Variants in MIPOL1 observed in about 807,000 individuals in gnomAD.
MIPOL1 encodes mirror-image polydactyly gene 1 protein.
In MIPOL1, 57 loss-of-function variants were observed where a neutral mutation model predicts 60.9. The ratio of observed to expected loss-of-function variants is 0.94; its 90% CI spans 0.76 to 1.17. The LOEUF is 1.17. Among genes scored for constraint, MIPOL1 ranks in the 50% most tolerant of loss-of-function variants. The pLI is 0.00. For missense variants in MIPOL1, 551 were observed against 511.6 expected (o/e 1.08, Z -0.74); for synonymous variants, 179 against 168.8 (o/e 1.06, Z -0.47).
At chr14:37,285,565 C>A in intron 7 of MIPOL1, 118 bp downstream of exon 7, 3 of 967,036 alleles carry the variant, frequency 3.1e-6, no homozygotes, top group Non-Finnish European at 3.0e-6. Flanking sequence ...TAGGAAATTG[C>A]ATGTCTCCAG....
At chr14:37,526,961 T>G (rs2095451675) in intron 12 of MIPOL1, among the ~76,000 whole-genome samples, 1 of 152,148 alleles carries the variant, frequency 6.6e-6, no homozygotes, top group Non-Finnish European at 1.5e-5. Flanking sequence ...CCTTCCAGTG[T>G]GAAAGGTAAA....
chr14:37,204,236 A>T (rs1308849943), intron 1 of MIPOL1, among the ~76,000 whole-genome samples: 1 of 152,142 alleles, frequency 6.6e-6, no homozygotes, highest in Non-Finnish European at 1.5e-5. Context: ...AGCAACACTC[A>T]ATTTCTGATT....
chr14:37,379,069 A>G (rs1208819390), intron 10 of MIPOL1, among the ~76,000 whole-genome samples: 2 of 152,058 alleles, frequency 1.3e-5, no homozygotes, highest in Non-Finnish European at 2.9e-5. Flanking sequence ...GCCTACTACA[A>G]AGCTACAGTA....
At chr14:37,319,057 T>A (rs530194352) in intron 9 of MIPOL1, among the ~76,000 whole-genome samples, 1 of 152,168 alleles carries the variant, frequency 6.6e-6, no homozygotes, top group South Asian at 2.1e-4. Flanking sequence ...CCCAGGCTGG[T>A]CTTGAACTCC....
chr14:37,515,917 A>G (rs2153627822), intron 12 of MIPOL1, among the ~76,000 whole-genome samples: 1 of 152,322 alleles, frequency 6.6e-6, no homozygotes, highest in African/African-American at 2.4e-5. Flanking sequence ...CCCAGTAGTC[A>G]TTCTTGAGGA....
At chr14:37,520,581 G>A (rs1433971543) in intron 12 of MIPOL1, among the ~76,000 whole-genome samples, 4 of 152,084 alleles carry the variant, frequency 2.6e-5, no homozygotes. Flanking sequence ...CAATGTTAAA[G>A]CAACATTTCT....
chr14:37,512,342 A>G (rs2095334879), intron 12 of MIPOL1, among the ~76,000 whole-genome samples: 1 of 152,132 alleles, frequency 6.6e-6, no homozygotes, highest in Non-Finnish European at 1.5e-5. Context: ...AGTGTCACAC[A>G]AGGGTTCTTA....
At chr14:37,234,353 T>G (rs1210483226) in intron 1 of MIPOL1, among the ~76,000 whole-genome samples, 1 of 144,282 alleles carries the variant, frequency 6.9e-6, no homozygotes, top group African/African-American at 2.9e-5. Context: ...TTTCTTTTCT[T>G]TTCTTTTCTT....
At chr14:37,483,122 T>A (rs1332025265) in intron 11 of MIPOL1, among the ~76,000 whole-genome samples, 1 of 151,370 alleles carries the variant, frequency 6.6e-6, no homozygotes. Context: ...ACCTTTTTTT[T>A]TTTTTTTTAA....
intron 11 of MIPOL1, among the ~76,000 whole-genome samples, chr14:37,447,927 A>ACC (rs1242024301): frequency 7.2e-5 from 11 of 152,132 alleles, no homozygotes; most frequent in African/African-American, 2.4e-4. Flanking sequence ...AGGTGAACTA[A>ACC]AGAGATCAAA....
chr14:37,392,230 C>A (rs2093264796), intron 10 of MIPOL1, among the ~76,000 whole-genome samples: 1 of 29,406 alleles, frequency 3.4e-5, no homozygotes, highest in Non-Finnish European at 7.4e-5. Flanking sequence ...TTATTTAGGT[C>A]TTCTTTGATT....
intron 7 of MIPOL1, among the ~76,000 whole-genome samples, chr14:37,290,508 G>C (rs1033580888): frequency 4.6e-5 from 7 of 152,116 alleles, no homozygotes; most frequent in African/African-American, 1.7e-4. Flanking sequence ...TTACAGACAT[G>C]AGCCACCGTG....
chr14:37,263,450 C>T (rs1035583945), intron 3 of MIPOL1, among the ~76,000 whole-genome samples: 2 of 152,090 alleles, frequency 1.3e-5, no homozygotes, highest in African/African-American at 4.8e-5. Flanking sequence ...TATCATTTTT[C>T]AGTTGATAGC....
rs376146548 is a variant in MIPOL1 at position 37,230,583 on chromosome 14, TGAA to T, written c.-198-16516_-198-16514del. 3.5e-3 allele frequency among the ~76,000 whole-genome samples: 530 copies of T among 152,330 alleles called. 3 individuals are homozygous for T. The highest frequency in any genetic ancestry group is 0.012 in the African/African-American group (513 of 41,578). On this transcript the variant is annotated intron_variant, in intron 1 of 12. Coordinates refer to ENST00000684589, the MANE Select transcript of MIPOL1 (RefSeq NM_001388067.1). The stretch of plus-strand genomic sequence containing the variant: ...CCTATGGGAAAATTTTATAAGATGT[TGAA>T]GAAATCCCAAGTATTCATAAATATT...
rs180819587 is a variant in MIPOL1 at position 37,357,728 on chromosome 14, A to T, written c.829-11789A>T. The stretch of plus-strand genomic sequence containing the variant: ...TGTAGGTTGTCTCTTCTCTTTATTG[A>T]TTGTTTCCTTTGCTGTGCAGAAGAT... On this transcript the variant is annotated intron_variant, in intron 9 of 12. Coordinates refer to ENST00000684589, the MANE Select transcript of MIPOL1 (RefSeq NM_001388067.1). 1.9e-3 allele frequency among the ~76,000 whole-genome samples: 291 copies of T among 150,178 alleles called. 2 individuals carry two copies. Among genetic ancestry groups the T allele is most frequent in the African/African-American group, 6.7e-3 (274 of 40,918 alleles).
intron 11 of MIPOL1, among the ~76,000 whole-genome samples, chr14:37,426,570 C>CATACATATATATATATAT (rs1555339853): frequency 2.3e-5 from 2 of 85,530 alleles, no homozygotes; most frequent in Non-Finnish European, 4.5e-5. Context: ...TCAAAATATA[C>CATACATATATATATATAT]ATATATATAT....
At chr14:37,386,732 C>T (rs2093078774) in intron 10 of MIPOL1, among the ~76,000 whole-genome samples, 1 of 151,890 alleles carries the variant, frequency 6.6e-6, no homozygotes, top group Non-Finnish European at 1.5e-5. Context: ...ACAGATAAAT[C>T]ACTGAGTCAA....
chr14:37,465,471 G>T (rs915260610), intron 11 of MIPOL1, among the ~76,000 whole-genome samples: 1 of 152,114 alleles, frequency 6.6e-6, no homozygotes, highest in Non-Finnish European at 1.5e-5. Context: ...GGTCTTCCTA[G>T]TGTTGAGAAA....
intron 10 of MIPOL1, among the ~76,000 whole-genome samples, chr14:37,378,321 A>G (rs1016596777): frequency 2.6e-5 from 4 of 152,102 alleles, no homozygotes; most frequent in African/African-American, 9.7e-5. Context: ...TGTCCACACA[A>G]TAGAATATTA....
Sources: allele counts gnomAD v4.1 joint callset (sites outside exome capture counted in the v4.1 genomes callset), GRCh38; gene constraint gnomAD v4.1.1; transcripts MANE v1.5; gene names NCBI Gene and HGNC (gene_info 2026-07-23, HGNC 2026-07-21).